Variants in DLG4 observed in about 807,000 individuals in gnomAD.
The protein encoded by DLG4 is discs large MAGUK scaffold protein 4.
Under a neutral mutation model 93.8 loss-of-function variants are expected in DLG4, and 7 were observed. The ratio of observed to expected loss-of-function variants is 0.07; its 90% CI spans 0.04 to 0.14. DLG4 has a LOEUF of 0.14. Ranked by LOEUF, DLG4 falls within the 10% of genes least tolerant of loss-of-function variation. DLG4 has a pLI of 1.00. For missense variants in DLG4, 545 were observed against 992.9 expected, an observed-to-expected ratio of 0.55 and a Z score of 6.06; for synonymous variants, 341 against 387.6, an observed-to-expected ratio of 0.88 and a Z score of 1.41.
intron 8 of DLG4, among the ~76,000 whole-genome samples, chr17:7,198,847 CAA>C (rs34843480): frequency 3.8e-4 from 34 of 90,376 alleles, no homozygotes; most frequent in Admixed American, 3.4e-4. Context: ...GACTCCATCT[CAA>C]AAAAAAAAAA....
In DLG4 at chr17:7,191,171, CTCTT is replaced by C. The variant is rs2069476071; in HGVS notation, c.2068+92_2068+95del. ...CACCATGCCGCGCCCACAGGGGCACCTCTTTCTAAGCCATCCACTGGGGGTGGCG... is the reference window on the plus strand; with the variant it reads ...CACCATGCCGCGCCCACAGGGGCACCTCTAAGCCATCCACTGGGGGTGGCG... On this transcript the variant is annotated intron_variant, in intron 19 of 19. Coordinates refer to ENST00000399506, the MANE Select transcript of DLG4 (RefSeq NM_001321075.3). This position sits in a 1 kb window ranked among gnomAD's most constrained non-coding sequence, Gnocchi z 6.6. 1.6e-6 allele frequency: 2 copies of C among 1,234,812 alleles called. No individual in the cohort carries two copies. Among genetic ancestry groups the C allele is most frequent in the Admixed American group, 3.7e-5 (2 of 53,674 alleles). The allele number at this position is 1,234,812 out of a possible 1,614,324, so 76.5% of individuals were successfully genotyped here. A position where few individuals can be genotyped will look rare whatever the true frequency, so the allele number is the denominator to read the frequency against.
rs2070987271 is a variant in DLG4 at position 7,217,573 on chromosome 17, A to G, written c.-426T>C. ...CGGGGGAGTGGGGTGGGGGGGTTGG[A>G]AACGGCAGCGGCCGAGGGAGCCGTG... On this transcript the variant is annotated 5_prime_UTR_variant, in exon 1 of 20. Coordinates refer to ENST00000399506, the MANE Select transcript of DLG4 (RefSeq NM_001321075.3). The G allele has an allele frequency of 1.5e-5, 19 of 1,308,540 alleles. No homozygotes were observed. In the South Asian group the frequency reaches 2.6e-4, roughly 18 times the overall value. The allele number at this position is 1,308,540 out of a possible 1,614,324, so 81.1% of individuals were successfully genotyped here.
At chr17:7,207,704 C>A (rs1009124227) in intron 2 of DLG4, among the ~76,000 whole-genome samples, 2 of 151,868 alleles carry the variant, frequency 1.3e-5, no homozygotes, top group Non-Finnish European at 2.9e-5. Flanking sequence ...ATACAGCACA[C>A]GCACAGGCAC....
Position 7,189,127 on chromosome 17 carries a change from AGGGTGGGGGG to A in DLG4, c.*1571_*1580del, listed in dbSNP as rs1016657865. 2.3e-5 allele frequency among the ~76,000 whole-genome samples: 3 copies of A among 132,866 alleles called. No individual in the cohort carries two copies. The highest frequency in any genetic ancestry group is 7.4e-5 in the Admixed American group (1 of 13,492). The allele number at this position is 132,866 out of a possible 152,430, so 87.2% of individuals were successfully genotyped here. On this transcript the variant is annotated 3_prime_UTR_variant, in exon 20 of 20. Transcript: ENST00000399506. ...ACTCTGTCTCAAAAAAAAAAAAAAA[AGGGTGGGGGG>A]GGCGCATAAAGAAACCTAGCGTATA...
intron 2 of DLG4, among the ~76,000 whole-genome samples, chr17:7,207,654 G>C (rs921839430): frequency 4.6e-5 from 7 of 151,922 alleles, no homozygotes; most frequent in African/African-American, 9.7e-5. Flanking sequence ...TCCCAGGCGT[G>C]GGGGCCTCTT....
intron 2 of DLG4, chr17:7,205,105 T>C (rs2070388886): frequency 1.0e-6 from 1 of 985,426 alleles, no homozygotes; most frequent in Non-Finnish European, 1.2e-6. Context: ...AAGAGGTTTG[T>C]GGGCGCAGCG....
chr17:7,211,554 C>T (rs1209715994), intron 1 of DLG4: 1 of 371,950 alleles, frequency 2.7e-6, no homozygotes, highest in African/African-American at 2.2e-5. Context: ...CCAGAGACCC[C>T]GCACCAAGCA....
At chr17:7,206,564 G>T (rs1446238281) in intron 2 of DLG4, among the ~76,000 whole-genome samples, 1 of 151,988 alleles carries the variant, frequency 6.6e-6, no homozygotes, top group Admixed American at 6.5e-5. Flanking sequence ...TAATGGCCCT[G>T]CCTTGCACAA....
chr17:7,214,041 C>T (rs2070808519), intron 1 of DLG4: 1 of 347,698 alleles, frequency 2.9e-6, no homozygotes, highest in Non-Finnish European at 5.8e-6. Context: ...CTTTTCCCTC[C>T]ATTTTCCGTT....
chr17:7,218,959 G>A (rs964378510), upstream of DLG4: 1 of 1,187,480 alleles, frequency 8.4e-7, no homozygotes, highest in African/African-American at 1.5e-5. Flanking sequence ...GAGCCGACCA[G>A]CTGTCCCATT....
chr17:7,191,247 C>T lies in DLG4; in HGVS notation c.2068+20G>A, dbSNP rs1410751102. On this transcript the variant is annotated intron_variant, in intron 19 of 19. Transcript: ENST00000399506. The surrounding 1 kb of genome is among the most constrained non-coding windows in gnomAD (Gnocchi z 6.6). ...GCAAGGGCACCCTACATGCTGGCAA[C>T]AGCCTTGCTGTGGCCTCACCTGAGA... 2 of 1,612,766 alleles carry T rather than the reference C, an allele frequency of 1.2e-6. No homozygotes were observed. Among genetic ancestry groups the T allele is most frequent in the Non-Finnish European group, 8.5e-7 (1 of 1,178,880 alleles).
chr17:7,190,473 G>C lies in DLG4; in HGVS notation c.*235C>G. On this transcript the variant is annotated 3_prime_UTR_variant, in exon 20 of 20. Coordinates refer to ENST00000399506, the MANE Select transcript of DLG4 (RefSeq NM_001321075.3). The stretch of plus-strand genomic sequence containing the variant: ...CTAAGGAGCAAGGGCTCGGAACAAG[G>C]AGCCCAGCTCCCCCCCAGACCCCAG... 1 of 540,242 alleles carries C rather than the reference G, an allele frequency of 1.9e-6. No homozygotes were observed. The allele number at this position is 540,242 out of a possible 1,614,324, so 33.5% of individuals were successfully genotyped here. A position where few individuals can be genotyped will look rare whatever the true frequency, so the allele number is the denominator to read the frequency against.
Position 7,203,349 on chromosome 17 carries a change from G to A in DLG4, c.506-20C>T. On this transcript the variant is annotated intron_variant, in intron 6 of 19. Transcript: ENST00000399506. The surrounding 1 kb of genome is among the most constrained non-coding windows in gnomAD (Gnocchi z 7.2). ...CAAGACCTGGATGGAGGGGAGGCCA[G>A]AGGTGGGTGCCCAGGAAGCAGGCTT... 6.3e-7 allele frequency: 1 copy of A among 1,595,060 alleles called. No homozygotes were observed. The highest frequency in any genetic ancestry group is 8.6e-7 in the Non-Finnish European group (1 of 1,165,008).
At position 7,190,219 on chromosome 17, in the gene DLG4, AG is replaced by A. The variant is rs2142799328; in HGVS notation, c.*488del. On this transcript the variant is annotated 3_prime_UTR_variant, in exon 20 of 20. Transcript: ENST00000399506. ...AAAAACCACCTTTGAGAAGAAAAAA[AG>A]TGGAAAAAATAAATGAGAAATCAAG... 1 of 153,576 alleles carries A rather than the reference AG, an allele frequency of 6.5e-6. No individual in the cohort carries two copies. Among genetic ancestry groups the A allele is most frequent in the Admixed American group, 6.4e-5 (1 of 15,562 alleles). The allele number at this position is 153,576 out of a possible 1,614,324, so 9.5% of individuals were successfully genotyped here.
At chr17:7,211,219 G>A (rs1194725383) in intron 1 of DLG4, among the ~76,000 whole-genome samples, 2 of 151,634 alleles carry the variant, frequency 1.3e-5, no homozygotes, top group East Asian at 1.9e-4. Flanking sequence ...TGGATTACAG[G>A]GCAACTAAAG....
intron 17 of DLG4, chr17:7,192,598 G>C (rs574707708): frequency 2.5e-4 from 78 of 311,336 alleles, no homozygotes; most frequent in South Asian, 2.4e-3. Context: ...GAGAGGGCCA[G>C]CGGGGAGTCA....
At chr17:7,213,091 C>CT (rs1567551398) in intron 1 of DLG4, among the ~76,000 whole-genome samples, 7 of 99,534 alleles carry the variant, frequency 7.0e-5, no homozygotes, top group Admixed American at 1.1e-4. Context: ...TTCTTTCTTT[C>CT]TTTCTTTTTT....
rs758269670 is a variant in DLG4 at position 7,191,921 on chromosome 17, T to C, written c.1948A>G (p.Ile650Val). The C allele has an allele frequency of 6.7e-7, 1 of 1,488,192 alleles. No individual in the cohort carries two copies. Among genetic ancestry groups the C allele is most frequent in the Non-Finnish European group, 9.0e-7 (1 of 1,116,060 alleles). The allele number at this position is 1,488,192 out of a possible 1,614,324, so 92.2% of individuals were successfully genotyped here. Residue 650 changes from isoleucine (I) to valine (V), a missense_variant, in exon 18 of 20, where the codon ATC becomes GTC. Physicochemically the swap from Ile to Val is conservative, Grantham distance 29. Transcript: ENST00000399506. This position sits in a 1 kb window ranked among gnomAD's most constrained non-coding sequence, Gnocchi z 6.6. ...ACATTCTCCAGGGAGCGGGGGCGGA[T>C]GAAGATGGCGATGGGGTGCAGGTGG... ...AAHLHPIAIFIRPRSLENVLE... is the reference protein window; with the variant it reads ...AAHLHPIAIFVRPRSLENVLE...
intron 1 of DLG4, among the ~76,000 whole-genome samples, chr17:7,215,168 A>G (rs1220111282): frequency 6.6e-6 from 1 of 152,156 alleles, no homozygotes; most frequent in Non-Finnish European, 1.5e-5. Context: ...GCCTTATGGG[A>G]GTTGGAGTCC....
Sources: gnomAD v4.1 joint callset for allele counts (sites outside exome capture counted in the v4.1 genomes callset) on GRCh38, gnomAD v4.1.1 for gene constraint, Gnocchi (gnomAD v3.1) non-coding constraint, MANE v1.5 for transcripts, NCBI Gene and HGNC (gene_info 2026-07-23, HGNC 2026-07-21) for gene names.